Variants in SLC45A4 observed in about 807,000 individuals in gnomAD.
SLC45A4 encodes the protein polyamine-transporter SLC45A4.
In SLC45A4, 32 loss-of-function variants were observed where a neutral mutation model predicts 63.7. The ratio of observed to expected loss-of-function variants is 0.50; its 90% CI spans 0.38 to 0.67. The LOEUF is 0.67. Among genes scored for constraint, SLC45A4 ranks in the 30% least tolerant of loss-of-function variants. The pLI is 0.00. For synonymous variants in SLC45A4, 535 were observed against 510.0 expected (o/e 1.05, Z -0.66); for missense variants, 1,027 against 1,157.7 (o/e 0.89, Z 1.64).
At chr8:141,279,320 G>A (rs1396494120) in intron 1 of SLC45A4, among the ~76,000 whole-genome samples, 3 of 152,226 alleles carry the variant, frequency 2.0e-5, no homozygotes, top group Non-Finnish European at 4.4e-5. Flanking sequence ...GGACAAGTCT[G>A]GCTTTACTGA....
At chr8:141,283,012 T>C (rs11779865) in intron 1 of SLC45A4, among the ~76,000 whole-genome samples, 133,931 of 152,328 alleles carry the variant, frequency 0.88, 59,721 homozygotes, top group Non-Finnish European at 0.95. Context: ...TGAGGCTCAG[T>C]GCCAGAGGCC....
At chr8:141,228,080 G>T (rs1827125066) in intron 2 of SLC45A4, 1 of 1,426,288 alleles carries the variant, frequency 7.0e-7, no homozygotes, top group Non-Finnish European at 9.8e-7. Context: ...GAGCTGTGTG[G>T]AGTGGAGCTG....
rs547275416 is a variant in SLC45A4, at chr8:141,291,050, T to C, written c.-401+17046A>G. On this transcript the variant is annotated intron_variant, in intron 1 of 8. Coordinates refer to ENST00000517878, the MANE Select transcript of SLC45A4 (RefSeq NM_001286646.2). ...TTTTAGTAGAGACGGGGTTTCACCATGTTGGCCAGGCTGGTCTCAAACTCC... is the reference window on the plus strand; with the variant it reads ...TTTTAGTAGAGACGGGGTTTCACCACGTTGGCCAGGCTGGTCTCAAACTCC... Among the ~76,000 whole-genome samples, 21 of 152,302 alleles carry C rather than the reference T, an allele frequency of 1.4e-4. No homozygotes were observed. The East Asian group carries it at 3.9e-3, about 28-fold the overall frequency.
chr8:141,283,819 T>A (rs1405681424), intron 1 of SLC45A4, among the ~76,000 whole-genome samples: 6 of 152,224 alleles, frequency 3.9e-5, no homozygotes, highest in African/African-American at 1.4e-4. Flanking sequence ...GGGCCCATGA[T>A]GGCTGGACAT....
In SLC45A4 at chr8:141,271,848, T is replaced by TACAC. The variant is rs748219759; in HGVS notation, c.-400-17223_-400-17220dup. The stretch of plus-strand genomic sequence containing the variant: ...CGTGTGCATGCAACACACACCTGTG[T>TACAC]ACACACACACACACGCACTCACACA... On this transcript the variant is annotated intron_variant, in intron 1 of 8. Coordinates refer to ENST00000517878, the MANE Select transcript of SLC45A4 (RefSeq NM_001286646.2). Among the ~76,000 whole-genome samples the TACAC allele has an allele frequency of 8.4e-4, 127 of 151,310 alleles. 1 individual carries two copies. Among genetic ancestry groups the TACAC allele is most frequent in the Middle Eastern group, 6.8e-3 (2 of 294 alleles).
At chr8:141,306,286 G>A (rs928409617) in intron 1 of SLC45A4, among the ~76,000 whole-genome samples, 5 of 152,162 alleles carry the variant, frequency 3.3e-5, no homozygotes, top group Admixed American at 3.3e-4. Flanking sequence ...CATTTCAAAC[G>A]ATTTGCTTCT....
At position 141,208,667 on chromosome 8, in the gene SLC45A4, T is replaced by TC. The variant is rs1825648336; in HGVS notation, c.*2904dup. 6.6e-6 allele frequency: 1 copy of TC among 151,990 alleles called. No individual in the cohort carries two copies. Among genetic ancestry groups the TC allele is most frequent in the East Asian group, 1.9e-4 (1 of 5,156 alleles). The allele number at this position is 151,990 out of a possible 1,614,324, so 9.4% of individuals were successfully genotyped here. A position where few individuals can be genotyped will look rare whatever the true frequency, so the allele number is the denominator to read the frequency against. On this transcript the variant is annotated 3_prime_UTR_variant, in exon 9 of 9. Transcript: ENST00000517878. ...TGCCTGAGAGTGAGAAAAACAACAC[T>TC]CCAAAGCTAGCTCTTCAGCCACCAG...
intron 2 of SLC45A4, among the ~76,000 whole-genome samples, chr8:141,239,249 GGAA>G (rs1442763513): frequency 6.6e-6 from 1 of 152,200 alleles, no homozygotes; most frequent in Non-Finnish European, 1.5e-5. Flanking sequence ...TTTCAAAACA[GGAA>G]GACAAACCAA....
chr8:141,305,237 C>T (rs1830863065), intron 1 of SLC45A4, among the ~76,000 whole-genome samples: 4 of 152,200 alleles, frequency 2.6e-5, no homozygotes, highest in Admixed American at 2.6e-4. Flanking sequence ...GGGACCTTGT[C>T]TAGGAGCCGG....
rs1205411625 is a variant in SLC45A4 at position 141,278,701 on chromosome 8, TG to T, written c.-400-24073del. Among the ~76,000 whole-genome samples, 1 of 152,128 alleles carries T rather than the reference TG, an allele frequency of 6.6e-6. No homozygotes were observed. The highest frequency in any genetic ancestry group is 2.4e-5 in the African/African-American group (1 of 41,432). Reference sequence around the variant, plus strand: ...GAGGAACTGTGAGTGAGCAGAAAAATGCAATGCAATCAGCTGACCAGAGAGG... The same window carrying T: ...GAGGAACTGTGAGTGAGCAGAAAAATCAATGCAATCAGCTGACCAGAGAGG... On this transcript the variant is annotated intron_variant, in intron 1 of 8. Coordinates refer to ENST00000517878, the MANE Select transcript of SLC45A4 (RefSeq NM_001286646.2). The surrounding 1 kb of genome is among the most constrained non-coding windows in gnomAD (Gnocchi z 4.1).
At chr8:141,279,220 G>A (rs780131979) in intron 1 of SLC45A4, among the ~76,000 whole-genome samples, 9 of 152,224 alleles carry the variant, frequency 5.9e-5, no homozygotes, top group Middle Eastern at 3.2e-3. Flanking sequence ...TATCCCCACC[G>A]TGCCAGGCGG....
chr8:141,268,920 TAAAG>T (rs906142137), intron 1 of SLC45A4, among the ~76,000 whole-genome samples: 1 of 152,172 alleles, frequency 6.6e-6, no homozygotes, highest in African/African-American at 2.4e-5. Flanking sequence ...ACACATGGGC[TAAAG>T]AAATACAAAG....
chr8:141,218,059 C>T lies in SLC45A4; in HGVS notation c.1581G>A (p.Val527=). 1 of 1,612,656 alleles carries T rather than the reference C, an allele frequency of 6.2e-7. No individual in the cohort carries two copies. Among genetic ancestry groups the T allele is most frequent in the Non-Finnish European group, 8.5e-7 (1 of 1,179,910 alleles). The change falls in exon 5 of 9, where the codon GTG becomes GTA. Residue 527 remains valine (V), a synonymous_variant. Transcript: ENST00000517878. ...LTWFSVIAEA[V]FYTDFMGQVI... ...CCTGGCCCATGAAGTCGGTGTAGAA[C>T]ACGGCCTCGGCGATGACAGAGAACC...
chr8:141,295,169 A>T (rs546665138), intron 1 of SLC45A4, among the ~76,000 whole-genome samples: 1 of 152,318 alleles, frequency 6.6e-6, no homozygotes, highest in Admixed American at 6.5e-5. Context: ...CACAGGCTGG[A>T]GGCATGTGAG....
intron 1 of SLC45A4, among the ~76,000 whole-genome samples, chr8:141,282,283 A>C (rs990472664): frequency 6.6e-6 from 1 of 152,192 alleles, no homozygotes; most frequent in African/African-American, 2.4e-5. Flanking sequence ...CCGACCTGAC[A>C]CTATGCTCCT....
At position 141,218,025 on chromosome 8, in the gene SLC45A4, C is replaced by G; in HGVS notation, c.1615G>C (p.Glu539Gln). 1 of 1,604,782 alleles carries G rather than the reference C, an allele frequency of 6.2e-7. No homozygotes were observed. Among genetic ancestry groups the G allele is most frequent in the Non-Finnish European group, 8.5e-7 (1 of 1,175,082 alleles). ...YTDFMGQVIF[E>Q]GDPKAPSNST... ...CGAGCACTCACCTTGGGGTCGCCTT[C>G]GAAGATGACCTGGCCCATGAAGTCG... Residue 539 changes from glutamate to glutamine, a missense_variant, in exon 5 of 9, where the codon GAA becomes CAA. By Grantham distance (29) the Glu-to-Gln change is conservative. Transcript: ENST00000517878.
intron 2 of SLC45A4, among the ~76,000 whole-genome samples, chr8:141,251,763 T>C (rs1828476506): frequency 6.6e-6 from 1 of 151,790 alleles, no homozygotes; most frequent in African/African-American, 2.4e-5. Flanking sequence ...ATGGAAGCAC[T>C]GGAAAAGTAA....
At position 141,211,405 on chromosome 8, in the gene SLC45A4, A is replaced by G; in HGVS notation, c.*167T>C. ...TCCGCCCCCAGGTGGTGCCCAGCCCATCCCTGGGCAGGGTGTCTGGGAGCC... is the reference window on the plus strand; with the variant it reads ...TCCGCCCCCAGGTGGTGCCCAGCCCGTCCCTGGGCAGGGTGTCTGGGAGCC... On this transcript the variant is annotated 3_prime_UTR_variant, in exon 9 of 9. Coordinates refer to ENST00000517878, the MANE Select transcript of SLC45A4 (RefSeq NM_001286646.2). 1.3e-6 allele frequency: 2 copies of G among 1,534,438 alleles called. No homozygotes were observed. The highest frequency in any genetic ancestry group is 1.3e-5 in the South Asian group (1 of 78,686).
chr8:141,261,842 A>G (rs182930134), intron 1 of SLC45A4, among the ~76,000 whole-genome samples: 7,774 of 152,316 alleles, frequency 0.051, 674 homozygotes, highest in African/African-American at 0.17. Flanking sequence ...CAAGCTACCA[A>G]TGACTTTCTT....
Sources: allele counts gnomAD v4.1 joint callset (sites outside exome capture counted in the v4.1 genomes callset), GRCh38; gene constraint gnomAD v4.1.1; non-coding constraint Gnocchi (gnomAD v3.1); transcripts MANE v1.5; gene names NCBI Gene and HGNC (gene_info 2026-07-23, HGNC 2026-07-21).